Variants in PLXDC2 observed in about 807,000 individuals in gnomAD.
PLXDC2 encodes plexin domain containing 2.
A neutral mutation model predicts 68.9 loss-of-function variants in PLXDC2; 40 were observed. The observed-to-expected ratio is 0.58, with a 90% CI of 0.45 to 0.76. The LOEUF is 0.76. Ranked by LOEUF, PLXDC2 falls within the 30% of genes least tolerant of loss-of-function variation. PLXDC2 has a pLI of 0.00. For missense variants in PLXDC2, 644 were observed against 661.9 expected, an observed-to-expected ratio of 0.97 and a Z score of 0.30; for synonymous variants, 243 against 234.2, an observed-to-expected ratio of 1.04 and a Z score of -0.34.
At chr10:20,164,666 AGCT>A in intron 7 of PLXDC2, 99 bp downstream of exon 7, 2 of 873,230 alleles carry the variant, frequency 2.3e-6, no homozygotes, top group African/African-American at 1.7e-5. Context: ...AAAAAAAAAT[AGCT>A]AATCGATTAG....
At chr10:20,131,238 G>T in intron 4 of PLXDC2, among the ~76,000 whole-genome samples, 1 of 147,818 alleles carries the variant, frequency 6.8e-6, no homozygotes, top group Non-Finnish European at 1.5e-5. Flanking sequence ...ATTCTATTTA[G>T]TGTTTCTGTA....
chr10:19,939,337 A>T (rs1444254206), intron 1 of PLXDC2, among the ~76,000 whole-genome samples: 1 of 152,158 alleles, frequency 6.6e-6, no homozygotes, highest in Non-Finnish European at 1.5e-5. Flanking sequence ...AACAGATTAC[A>T]CCCCCTCTGG....
At chr10:20,194,987 C>T (rs1202395992) in intron 9 of PLXDC2, among the ~76,000 whole-genome samples, 1 of 151,856 alleles carries the variant, frequency 6.6e-6, no homozygotes, top group Non-Finnish European at 1.5e-5. Context: ...TAAGTGGGCT[C>T]ATAGTGCTTA....
chr10:20,117,244 T>TA (rs1425268195), intron 4 of PLXDC2, among the ~76,000 whole-genome samples: 5 of 152,094 alleles, frequency 3.3e-5, no homozygotes, highest in Non-Finnish European at 7.4e-5. Flanking sequence ...AAAAATGTCA[T>TA]AAAAAATTAA....
chr10:20,216,878 C>A (rs1415510366), intron 10 of PLXDC2, among the ~76,000 whole-genome samples: 1 of 152,150 alleles, frequency 6.6e-6, no homozygotes, highest in Non-Finnish European at 1.5e-5. Flanking sequence ...CAATCCTTTG[C>A]TTATGTGGTT....
chr10:20,270,113 G>T (rs1835918214), intron 13 of PLXDC2, among the ~76,000 whole-genome samples: 2 of 152,134 alleles, frequency 1.3e-5, no homozygotes, highest in South Asian at 4.1e-4. Flanking sequence ...GCCAGAAGAA[G>T]AGTGAAATGA....
intron 9 of PLXDC2, among the ~76,000 whole-genome samples, chr10:20,208,679 G>T (rs191787141): frequency 6.6e-6 from 1 of 152,052 alleles, no homozygotes; most frequent in Non-Finnish European, 1.5e-5. Flanking sequence ...GCTTTCAAAC[G>T]TTCTCAACTA....
At chr10:20,003,511 C>T (rs1038225747) in intron 2 of PLXDC2, among the ~76,000 whole-genome samples, 1 of 152,144 alleles carries the variant, frequency 6.6e-6, no homozygotes, top group African/African-American at 2.4e-5. Flanking sequence ...CGGCTCACTG[C>T]AACCTCTGCC....
At chr10:19,953,172 C>G (rs1395384710) in intron 1 of PLXDC2, among the ~76,000 whole-genome samples, 1 of 152,188 alleles carries the variant, frequency 6.6e-6, no homozygotes, top group East Asian at 1.9e-4. Context: ...AAACAAATTT[C>G]TGATATTATA....
At chr10:19,901,733 G>T (rs1038100005) in intron 1 of PLXDC2, among the ~76,000 whole-genome samples, 1 of 151,928 alleles carries the variant, frequency 6.6e-6, no homozygotes, top group East Asian at 1.9e-4. Context: ...TTGAGTTCTT[G>T]GTCGTGAAGT....
At chr10:20,255,977 G>A (rs948958729) in intron 13 of PLXDC2, among the ~76,000 whole-genome samples, 2 of 151,256 alleles carry the variant, frequency 1.3e-5, no homozygotes, top group Admixed American at 1.3e-4. Context: ...GTGAATATAG[G>A]GTCAGAATTA....
chr10:20,124,989 G>A (rs1055498385), intron 4 of PLXDC2, among the ~76,000 whole-genome samples: 8 of 152,148 alleles, frequency 5.3e-5, no homozygotes, highest in Non-Finnish European at 1.0e-4. Flanking sequence ...GCAGACTACC[G>A]TGGAAACCAG....
chr10:20,000,009 A>C lies in PLXDC2; in HGVS notation c.113-1766A>C, dbSNP rs1346217660. Among the ~76,000 whole-genome samples, 3 of 152,282 alleles carry C rather than the reference A, an allele frequency of 2.0e-5. No homozygotes were observed. In the East Asian group the frequency reaches 5.8e-4, roughly 29 times the overall value. On this transcript the variant is annotated intron_variant, in intron 1 of 13. Coordinates refer to ENST00000377252, the MANE Select transcript of PLXDC2 (RefSeq NM_032812.9). ...CCAAGAGTCCTGGATTCTTCCTTGCACAGTAGTTTTTTCATTACTTAATTT... is the reference window on the plus strand; with the variant it reads ...CCAAGAGTCCTGGATTCTTCCTTGCCCAGTAGTTTTTTCATTACTTAATTT...
chr10:19,955,141 T>C (rs1834047778), intron 1 of PLXDC2, among the ~76,000 whole-genome samples: 1 of 146,828 alleles, frequency 6.8e-6, no homozygotes, highest in South Asian at 2.2e-4. Flanking sequence ...GAGTGCTTGC[T>C]CAGTCTTCTG....
At chr10:20,245,179 T>G (rs181971896) in intron 12 of PLXDC2, among the ~76,000 whole-genome samples, 166 bp from the exon 13 acceptor site, 2 of 152,356 alleles carry the variant, frequency 1.3e-5, no homozygotes, top group African/African-American at 2.4e-5. Context: ...GATTCTTCAT[T>G]GCCCATATGA....
At chr10:20,000,435 GATGGCAGACATC>G (rs1433120989) in intron 1 of PLXDC2, among the ~76,000 whole-genome samples, 4 of 151,984 alleles carry the variant, frequency 2.6e-5, no homozygotes, top group Non-Finnish European at 5.9e-5. Flanking sequence ...GAAAGGTCTA[GATGGCAGACATC>G]ATGGTAGTGT....
chr10:20,131,661 A>G (rs1339350112), intron 4 of PLXDC2, among the ~76,000 whole-genome samples: 1 of 152,130 alleles, frequency 6.6e-6, no homozygotes, highest in African/African-American at 2.4e-5. Context: ...CAGCCTCCCA[A>G]AGTGCTGGGA....
At chr10:20,226,503 A>C (rs187268676) in intron 12 of PLXDC2, among the ~76,000 whole-genome samples, 17 of 152,340 alleles carry the variant, frequency 1.1e-4, no homozygotes. Flanking sequence ...TGATTTTTAC[A>C]AAACACTTTT....
At chr10:20,239,786 A>G (rs531702126) in intron 12 of PLXDC2, among the ~76,000 whole-genome samples, 2 of 152,310 alleles carry the variant, frequency 1.3e-5, no homozygotes, top group African/African-American at 4.8e-5. Flanking sequence ...ACATATGGAC[A>G]TCTTAGTTTA....
Sources: gnomAD v4.1 joint callset for allele counts (sites outside exome capture counted in the v4.1 genomes callset) on GRCh38, gnomAD v4.1.1 for gene constraint, MANE v1.5 for transcripts, NCBI Gene and HGNC (gene_info 2026-07-23, HGNC 2026-07-21) for gene names.